Variants in RBFOX1 observed in about 807,000 individuals in gnomAD.
The protein encoded by RBFOX1 is RNA binding protein fox-1 homolog 1.
Under a neutral mutation model 57.7 loss-of-function variants are expected in RBFOX1, and 8 were observed. The observed-to-expected ratio is 0.14, with a 90% CI of 0.08 to 0.25. RBFOX1 has a LOEUF of 0.25. Ranked by LOEUF, RBFOX1 falls within the 10% of genes least tolerant of loss-of-function variation. RBFOX1 has a pLI of 1.00. For synonymous variants in RBFOX1, 326 were observed against 222.4 expected, an observed-to-expected ratio of 1.47 and a Z score of -4.15; for missense variants, 611 against 548.5, an observed-to-expected ratio of 1.11 and a Z score of -1.14.
intron 4 of RBFOX1, among the ~76,000 whole-genome samples, chr16:7,324,532 G>A (rs1603621351): frequency 1.3e-5 from 2 of 152,196 alleles, no homozygotes; most frequent in African/African-American, 4.8e-5. Flanking sequence ...CCCCAGACAG[G>A]TCAGAGGTCG....
chr16:7,637,584 T>G (rs1397035517), intron 11 of RBFOX1, among the ~76,000 whole-genome samples: 1 of 152,216 alleles, frequency 6.6e-6, no homozygotes, highest in Non-Finnish European at 1.5e-5. Context: ...TACGGCTTCC[T>G]TTTTCTTCTG....
At chr16:6,194,618 C>T (rs2097168067) in intron 1 of RBFOX1, among the ~76,000 whole-genome samples, 1 of 152,148 alleles carries the variant, frequency 6.6e-6, no homozygotes, top group African/African-American at 2.4e-5. Flanking sequence ...TTCTAACTCT[C>T]GATTCAGAGG....
chr16:6,965,211 A>G (rs1428995357), intron 3 of RBFOX1, among the ~76,000 whole-genome samples: 1 of 152,098 alleles, frequency 6.6e-6, no homozygotes, highest in Admixed American at 6.6e-5. Context: ...GTAAATCACT[A>G]ATGAAAAGGA....
intron 7 of RBFOX1, among the ~76,000 whole-genome samples, chr16:7,593,041 C>T (rs1289487415): frequency 6.6e-6 from 1 of 151,490 alleles, no homozygotes; most frequent in Admixed American, 6.6e-5. Flanking sequence ...TCTCAAACTC[C>T]TGGGCTCAAG....
chr16:7,052,808 A>G (rs1284368192), intron 4 of RBFOX1, among the ~76,000 whole-genome samples: 11 of 152,052 alleles, frequency 7.2e-5, no homozygotes, highest in African/African-American at 1.9e-4. Flanking sequence ...ATTTCTTCCC[A>G]TTTGTTTTCT....
chr16:5,927,400 G>T (rs990752068), intron 4 of RBFOX1, among the ~76,000 whole-genome samples: 3 of 152,148 alleles, frequency 2.0e-5, no homozygotes, highest in Non-Finnish European at 4.4e-5. Context: ...CTCTATGTAC[G>T]AGTGATCTAA....
At chr16:7,017,634 G>A (rs1407110603) in intron 3 of RBFOX1, among the ~76,000 whole-genome samples, 1 of 152,144 alleles carries the variant, frequency 6.6e-6, no homozygotes, top group Non-Finnish European at 1.5e-5. Context: ...GTTGAAATGA[G>A]TGTTGCTTTG....
intron 1 of RBFOX1, among the ~76,000 whole-genome samples, chr16:5,383,962 C>T (rs548187992): frequency 1.3e-5 from 2 of 152,322 alleles, no homozygotes; most frequent in African/African-American, 4.8e-5. Context: ...GCCTATTCTG[C>T]ATTCTCCTCC....
At position 5,385,265 on chromosome 16, in the gene RBFOX1, A is replaced by G. The variant is rs2066227959; in HGVS notation, c.220-81951A>G. On this transcript the variant is annotated intron_variant, in intron 1 of 2. Transcript: ENST00000585867. ...TAGAAGCGACTCAATCCAGATGTGA[A>G]GCTACTCCCTTCTAGGCTGCACTGA... 2.0e-5 allele frequency among the ~76,000 whole-genome samples: 3 copies of G among 152,226 alleles called. No individual in the cohort carries two copies. The South Asian group carries it at 6.2e-4, about 31-fold the overall frequency.
At chr16:7,388,862 T>A (rs2097934848) in intron 4 of RBFOX1, among the ~76,000 whole-genome samples, 1 of 152,082 alleles carries the variant, frequency 6.6e-6, no homozygotes, top group South Asian at 2.1e-4. Flanking sequence ...GTAGGTTAGG[T>A]GTATGGAATG....
chr16:7,215,366 CAT>C (rs2091865218), intron 4 of RBFOX1, among the ~76,000 whole-genome samples: 1 of 152,166 alleles, frequency 6.6e-6, no homozygotes, highest in Non-Finnish European at 1.5e-5. Flanking sequence ...GACACCTGCA[CAT>C]GTATGTTTAT....
intron 3 of RBFOX1, among the ~76,000 whole-genome samples, chr16:7,042,352 G>C (rs918225919): frequency 6.6e-6 from 1 of 152,138 alleles, no homozygotes; most frequent in Non-Finnish European, 1.5e-5. Context: ...GTGTACAATG[G>C]TGATTCAGAG....
At chr16:6,353,205 A>G (rs1170849991) in intron 2 of RBFOX1, among the ~76,000 whole-genome samples, 3 of 152,172 alleles carry the variant, frequency 2.0e-5, no homozygotes, top group African/African-American at 7.2e-5. Context: ...CTACCATTGA[A>G]GGACAATGGG....
chr16:6,071,839 T>C (rs2095841627), intron 1 of RBFOX1, among the ~76,000 whole-genome samples: 1 of 152,330 alleles, frequency 6.6e-6, no homozygotes, highest in African/African-American at 2.4e-5. Context: ...CATGCAATGT[T>C]TATCCTTCTG....
chr16:7,318,163 C>T (rs146370936), intron 4 of RBFOX1, among the ~76,000 whole-genome samples: 114 of 149,726 alleles, frequency 7.6e-4, no homozygotes, highest in Middle Eastern at 7.1e-3. Flanking sequence ...ATGGTAGTGA[C>T]GGTGGTAATG....
intron 1 of RBFOX1, among the ~76,000 whole-genome samples, chr16:6,023,981 C>T (rs1036434784): frequency 6.6e-6 from 1 of 152,182 alleles, no homozygotes; most frequent in Non-Finnish European, 1.5e-5. Flanking sequence ...CAACTGTGAA[C>T]ACAGTTAGAC....
chr16:7,509,557 C>A (rs1420947759), intron 4 of RBFOX1, among the ~76,000 whole-genome samples: 1 of 152,098 alleles, frequency 6.6e-6, no homozygotes, highest in Non-Finnish European at 1.5e-5. Flanking sequence ...TGGAGTATCA[C>A]AATAACTTGT....
intron 3 of RBFOX1, among the ~76,000 whole-genome samples, chr16:6,843,414 C>T (rs2093595405): frequency 6.6e-6 from 1 of 152,084 alleles, no homozygotes; most frequent in African/African-American, 2.4e-5. Context: ...TTTGGCCAGA[C>T]ATGGTGGCTT....
intron 3 of RBFOX1, among the ~76,000 whole-genome samples, chr16:6,674,475 C>A (rs544338066): frequency 7.9e-5 from 12 of 152,214 alleles, no homozygotes; most frequent in East Asian, 7.7e-4. Flanking sequence ...GCACCTGTCA[C>A]CATGCCCGGC....
Sources: allele counts gnomAD v4.1 joint callset (sites outside exome capture counted in the v4.1 genomes callset), GRCh38; gene constraint gnomAD v4.1.1; transcripts MANE v1.5; gene names NCBI Gene and HGNC (gene_info 2026-07-23, HGNC 2026-07-21).